RALYL: variants seen among roughly 807,000 people sequenced by gnomAD.
RALYL encodes the protein RNA-binding Raly-like protein.
In RALYL, 29 loss-of-function variants were observed where a neutral mutation model predicts 35.1. The observed-to-expected ratio is 0.83, with a 90% confidence interval of 0.61 to 1.13. RALYL has a LOEUF of 1.13. Among genes scored for constraint, RALYL ranks in the 50% most tolerant of loss-of-function variants. RALYL has a pLI of 0.00. For missense variants in RALYL, 359 were observed against 360.4 expected (o/e 1.00, Z 0.03); for synonymous variants, 120 against 127.6 (o/e 0.94, Z 0.40).
chr8:84,188,098 A>T (rs1302410005), intron 1 of RALYL, among the ~76,000 whole-genome samples: 1 of 151,864 alleles, frequency 6.6e-6, no homozygotes, highest in Non-Finnish European at 1.5e-5. Context: ...TTAGTTGTTT[A>T]TTTTTATTTT....
intron 2 of RALYL, among the ~76,000 whole-genome samples, chr8:84,711,540 TAA>T (rs1043343315): frequency 4.6e-5 from 7 of 152,246 alleles, no homozygotes; most frequent in African/African-American, 1.7e-4. Flanking sequence ...GAATTAAAAT[TAA>T]GTCTACCTCT....
chr8:84,646,277 T>C (rs1227660269), intron 2 of RALYL, among the ~76,000 whole-genome samples: 2 of 152,040 alleles, frequency 1.3e-5, no homozygotes, highest in East Asian at 1.9e-4. Context: ...TTTTGGTCAT[T>C]TTGTAACTTA....
At chr8:84,650,773 G>A (rs1250558127) in intron 2 of RALYL, among the ~76,000 whole-genome samples, 10 of 151,698 alleles carry the variant, frequency 6.6e-5, no homozygotes, top group Admixed American at 3.3e-4. Flanking sequence ...ACATGCACAC[G>A]TATGTTTATT....
intron 6 of RALYL, among the ~76,000 whole-genome samples, chr8:84,864,507 TG>T (rs1421478013): frequency 6.6e-6 from 1 of 152,202 alleles, no homozygotes; most frequent in Non-Finnish European, 1.5e-5. Flanking sequence ...TTTTGTGAAG[TG>T]GTGTATCTTT....
intron 1 of RALYL, among the ~76,000 whole-genome samples, chr8:84,301,702 T>G (rs2132373977): frequency 6.6e-6 from 1 of 152,282 alleles, no homozygotes; most frequent in South Asian, 2.1e-4. Flanking sequence ...AGGGCTCTAG[T>G]TATCTTATAA....
At chr8:84,246,361 A>C (rs2131618493) in intron 1 of RALYL, among the ~76,000 whole-genome samples, 1 of 152,326 alleles carries the variant, frequency 6.6e-6, no homozygotes, top group South Asian at 2.1e-4. Flanking sequence ...TAGTAAGAGA[A>C]ACAAAACAAA....
At chr8:84,628,641 G>C (rs1823266291) in intron 2 of RALYL, among the ~76,000 whole-genome samples, 1 of 151,964 alleles carries the variant, frequency 6.6e-6, no homozygotes, top group Admixed American at 6.6e-5. Context: ...ATTTTGTTGA[G>C]AAATATCGGG....
chr8:84,668,158 GT>G (rs1192893757), intron 2 of RALYL, among the ~76,000 whole-genome samples: 1 of 152,092 alleles, frequency 6.6e-6, no homozygotes, highest in East Asian at 1.9e-4. Flanking sequence ...GTCTGTCAAG[GT>G]ATATGACAAT....
At chr8:84,439,559 A>G (rs1008150253) in intron 1 of RALYL, among the ~76,000 whole-genome samples, 6 of 152,156 alleles carry the variant, frequency 3.9e-5, no homozygotes, top group African/African-American at 7.2e-5. Context: ...TCTTATTCCA[A>G]TAAGCTACAT....
At chr8:84,644,522 AG>A (rs1189717335) in intron 2 of RALYL, among the ~76,000 whole-genome samples, 1 of 152,098 alleles carries the variant, frequency 6.6e-6, no homozygotes, top group African/African-American at 2.4e-5. Context: ...TTTAGAAAAA[AG>A]AAAAGGTAGA....
chr8:84,658,068 T>C (rs1006401838), intron 2 of RALYL, among the ~76,000 whole-genome samples: 1 of 152,152 alleles, frequency 6.6e-6, no homozygotes, highest in African/African-American at 2.4e-5. Context: ...AAAGTTTTCA[T>C]GTCCCTTGCT....
intron 1 of RALYL, among the ~76,000 whole-genome samples, chr8:84,277,238 A>G (rs1293356678): frequency 6.6e-6 from 1 of 152,214 alleles, no homozygotes; most frequent in African/African-American, 2.4e-5. Context: ...AAGGAGAAGC[A>G]AAGGCACATT....
intron 1 of RALYL, among the ~76,000 whole-genome samples, chr8:84,247,941 G>A (rs895301267): frequency 6.6e-6 from 1 of 151,986 alleles, no homozygotes; most frequent in African/African-American, 2.4e-5. Context: ...TTATGTCAAA[G>A]GAATATATTT....
At chr8:84,438,519 G>T (rs2047978030) in intron 1 of RALYL, among the ~76,000 whole-genome samples, 1 of 152,056 alleles carries the variant, frequency 6.6e-6, no homozygotes, top group South Asian at 2.1e-4. Context: ...CTCATAATTA[G>T]ATGGGACTAC....
rs11312551 is a variant in RALYL, at chr8:84,502,913, T to TA, written c.-23-26374dup. Among the ~76,000 whole-genome samples the TA allele has an allele frequency of 9.7e-3, 1,398 of 144,714 alleles. 16 individuals carry two copies. Among genetic ancestry groups the TA allele is most frequent in the African/African-American group, 0.025 (1,001 of 39,274 alleles). 94.9% of individuals were successfully genotyped at this position (144,714 alleles called of 152,430 possible). On this transcript the variant is annotated intron_variant, in intron 1 of 8. Coordinates refer to ENST00000521268, the MANE Select transcript of RALYL (RefSeq NM_173848.7). The stretch of plus-strand genomic sequence containing the variant: ...CTGCTTCAATCAAAGACCCACTCTT[T>TA]AAAAAAAAAAAAGGAAAAATAATTT...
At chr8:84,912,101 G>A (rs1243497034) in intron 8 of RALYL, among the ~76,000 whole-genome samples, 4 of 152,092 alleles carry the variant, frequency 2.6e-5, no homozygotes, top group Non-Finnish European at 5.9e-5. Context: ...TAGTCATTCA[G>A]TCTTTCTGGA....
At chr8:84,816,032 C>CAAAAAAAAAAAAA (rs5892931) in intron 4 of RALYL, among the ~76,000 whole-genome samples, 89 of 84,112 alleles carry the variant, frequency 1.1e-3, no homozygotes, top group Non-Finnish European at 1.2e-3. Flanking sequence ...GACTCTGTCT[C>CAAAAAAAAAAAAA]AAAAAAAAAA....
chr8:84,469,786 G>A (rs2052413298), intron 1 of RALYL, among the ~76,000 whole-genome samples: 1 of 152,086 alleles, frequency 6.6e-6, no homozygotes, highest in Non-Finnish European at 1.5e-5. Context: ...CTAGCAATCA[G>A]CGAGACTCCG....
intron 1 of RALYL, among the ~76,000 whole-genome samples, chr8:84,458,992 T>C (rs2050445566): frequency 6.6e-6 from 1 of 151,728 alleles, no homozygotes; most frequent in South Asian, 2.1e-4. Context: ...TTATGAATTA[T>C]TAATTTTGAT....
Sources: allele counts gnomAD v4.1 joint callset (sites outside exome capture counted in the v4.1 genomes callset), GRCh38; gene constraint gnomAD v4.1.1; transcripts MANE v1.5; gene names NCBI Gene and HGNC (gene_info 2026-07-23, HGNC 2026-07-21).